The following PBX1 variants were observed in gnomAD, a reference collection of about 807,000 sequenced individuals.
PBX1 encodes pre-B-cell leukemia transcription factor 1.
PBX1 carries 6 observed loss-of-function variants against 53.4 expected under a neutral mutation model. The observed-to-expected ratio is 0.11, with a 90% CI of 0.06 to 0.22. PBX1 has a LOEUF of 0.22. Ranked by LOEUF, PBX1 falls within the 10% of genes least tolerant of loss-of-function variation. The pLI is 1.00. For missense variants in PBX1, 251 were observed against 551.4 expected (o/e 0.46, Z 5.46); for synonymous variants, 204 against 212.3 (o/e 0.96, Z 0.34).
At chr1:164,807,509 CT>C in intron 4 of PBX1, 32 bp from the exon 5 acceptor site, 1 of 1,605,442 alleles carries the variant, frequency 6.2e-7, no homozygotes, top group Non-Finnish European at 8.5e-7. Context: ...TGGTGTGAGC[CT>C]TTTTGTTATT....
intron 2 of PBX1, among the ~76,000 whole-genome samples, chr1:164,667,763 G>A (rs189620717): frequency 6.6e-6 from 1 of 152,294 alleles, no homozygotes; most frequent in East Asian, 1.9e-4. Flanking sequence ...TAGTGAGAGA[G>A]CCCAGCCAGC....
intron 2 of PBX1, among the ~76,000 whole-genome samples, chr1:164,693,908 C>T (rs539857324): frequency 1.3e-5 from 2 of 152,298 alleles, no homozygotes; most frequent in East Asian, 3.9e-4. Context: ...CTCTCCCAGT[C>T]TGGTTCCTTC....
intron 2 of PBX1, among the ~76,000 whole-genome samples, chr1:164,655,114 TTTATTTTTA>T (rs1292539480): frequency 2.0e-5 from 3 of 146,880 alleles, no homozygotes; most frequent in African/African-American, 7.5e-5. Context: ...TTTTTTTTTT[TTTATTTTTA>T]TTTTTTTAAG....
intron 2 of PBX1, among the ~76,000 whole-genome samples, chr1:164,662,790 C>T (rs1480368583): frequency 6.6e-6 from 1 of 151,970 alleles, no homozygotes; most frequent in Non-Finnish European, 1.5e-5. Context: ...GAAGGTTTAT[C>T]ATTCTATGTC....
intron 2 of PBX1, among the ~76,000 whole-genome samples, chr1:164,722,739 C>A (rs898277994): frequency 3.9e-5 from 6 of 152,152 alleles, no homozygotes; most frequent in African/African-American, 1.4e-4. Context: ...TAAGACCATG[C>A]CTTAGCAACC....
At chr1:164,618,986 T>A (rs1571079664) in intron 2 of PBX1, among the ~76,000 whole-genome samples, 1 of 152,324 alleles carries the variant, frequency 6.6e-6, no homozygotes, top group South Asian at 2.1e-4. Flanking sequence ...TTAGCGCTTA[T>A]GTACCTCCAC....
Position 164,765,775 on chromosome 1 carries a change from A to G in PBX1, c.266-26719A>G, listed in dbSNP as rs998388060. The stretch of plus-strand genomic sequence containing the variant: ...CTTAGGTCTGTCTCATTATAAAACC[A>G]TCCAGTTTCCAGGGTACCATGGAAA... On this transcript the variant is annotated intron_variant, in intron 2 of 8. Transcript: ENST00000420696. 2.0e-5 allele frequency among the ~76,000 whole-genome samples: 3 copies of G among 152,232 alleles called. No homozygotes were observed. In the South Asian group the frequency reaches 6.2e-4, roughly 32 times the overall value.
Position 164,647,407 on chromosome 1 carries a change from G to A in PBX1, c.265+84096G>A, listed in dbSNP as rs530777809. Reference sequence around the variant, plus strand: ...ATCGTAAAGACTGCAGGCTTCCCAGGAAGGAATCCAGCCCTGCTGGGAAGT... The same window carrying A: ...ATCGTAAAGACTGCAGGCTTCCCAGAAAGGAATCCAGCCCTGCTGGGAAGT... On this transcript the variant is annotated intron_variant, in intron 2 of 8. Coordinates refer to ENST00000420696, the MANE Select transcript of PBX1 (RefSeq NM_002585.4). Among the ~76,000 whole-genome samples, 5 of 152,224 alleles carry A rather than the reference G, an allele frequency of 3.3e-5. No homozygotes were observed. The South Asian group carries it at 1.0e-3, about 32-fold the overall frequency.
intron 7 of PBX1, among the ~76,000 whole-genome samples, chr1:164,821,020 A>T (rs1670128036): frequency 6.6e-6 from 1 of 152,218 alleles, no homozygotes; most frequent in Admixed American, 6.5e-5. Context: ...TGATATGGTC[A>T]GGCTTTGGTC....
chr1:164,602,806 G>A (rs1557885051), intron 2 of PBX1, among the ~76,000 whole-genome samples: 4 of 152,144 alleles, frequency 2.6e-5, no homozygotes, highest in Middle Eastern at 6.8e-3. Context: ...ATTTCTCTTA[G>A]ATTTCTTTCT....
At chr1:164,832,538 T>G (rs552553835) in intron 8 of PBX1, among the ~76,000 whole-genome samples, 3 of 152,328 alleles carry the variant, frequency 2.0e-5, no homozygotes, top group South Asian at 4.1e-4. Context: ...AAGGCAAGAC[T>G]GTTCTAGAAT....
At chr1:164,663,285 C>G (rs537560509) in intron 2 of PBX1, among the ~76,000 whole-genome samples, 1 of 151,500 alleles carries the variant, frequency 6.6e-6, no homozygotes, top group South Asian at 2.1e-4. Context: ...TGCCTGCCTT[C>G]CTACCTGCCT....
At chr1:164,755,879 C>T (rs757763802) in intron 2 of PBX1, among the ~76,000 whole-genome samples, 3 of 151,622 alleles carry the variant, frequency 2.0e-5, no homozygotes, top group Non-Finnish European at 4.4e-5. Flanking sequence ...GCCAACATGG[C>T]TTTCTCTGGG....
At chr1:164,744,458 T>C (rs888107246) in intron 2 of PBX1, among the ~76,000 whole-genome samples, 27 of 152,208 alleles carry the variant, frequency 1.8e-4, no homozygotes, top group African/African-American at 6.0e-4. Flanking sequence ...ATAATACTCA[T>C]GGTTATACCA....
chr1:164,844,871 C>T (rs1213971740), intron 8 of PBX1, among the ~76,000 whole-genome samples: 1 of 152,164 alleles, frequency 6.6e-6, no homozygotes, highest in East Asian at 1.9e-4. Context: ...AATTATTTTC[C>T]TCCTTATTGT....
At chr1:164,707,699 A>G (rs1455765784) in intron 2 of PBX1, among the ~76,000 whole-genome samples, 1 of 152,196 alleles carries the variant, frequency 6.6e-6, no homozygotes, top group African/African-American at 2.4e-5. Flanking sequence ...ATAAAAACCC[A>G]GGAGACTGGA....
At chr1:164,647,207 T>A (rs1659508188) in intron 2 of PBX1, among the ~76,000 whole-genome samples, 1 of 152,212 alleles carries the variant, frequency 6.6e-6, no homozygotes, top group Non-Finnish European at 1.5e-5. Flanking sequence ...ACCTTCCCTT[T>A]CAAAGCTCAA....
chr1:164,868,440 T>A (rs1355892826), intron 2 of PBX1, among the ~76,000 whole-genome samples: 1 of 152,150 alleles, frequency 6.6e-6, no homozygotes, highest in African/African-American at 2.4e-5. Flanking sequence ...GATGGTTACT[T>A]CATCTACAGG....
intron 2 of PBX1, among the ~76,000 whole-genome samples, chr1:164,874,429 T>G (rs1254671297): frequency 6.6e-6 from 1 of 152,216 alleles, no homozygotes; most frequent in African/African-American, 2.4e-5. Flanking sequence ...TCTATAATAT[T>G]AAGTATAGAT....
Sources: allele counts gnomAD v4.1 joint callset (sites outside exome capture counted in the v4.1 genomes callset), GRCh38; gene constraint gnomAD v4.1.1; transcripts MANE v1.5; gene names NCBI Gene and HGNC (gene_info 2026-07-23, HGNC 2026-07-21).